Variants in ETV7 observed in about 807,000 individuals in gnomAD.
The protein encoded by ETV7 is ETS variant transcription factor 7.
ETV7 carries 43 observed loss-of-function variants against 39.1 expected under a neutral mutation model. The observed-to-expected ratio is 1.10, with a 90% CI of 0.86 to 1.42. The LOEUF is 1.42. Ranked by LOEUF, ETV7 falls within the 40% of genes most tolerant of loss-of-function variation. The pLI is 0.00. For synonymous variants in ETV7, 196 were observed against 176.6 expected, an observed-to-expected ratio of 1.11 and a Z score of -0.87; for missense variants, 432 against 442.3, an observed-to-expected ratio of 0.98 and a Z score of 0.21.
intron 5 of ETV7, among the ~76,000 whole-genome samples, chr6:36,370,205 G>A (rs1772942737): frequency 6.6e-6 from 1 of 152,152 alleles, no homozygotes. Context: ...ACTGGGCACT[G>A]GGGACCACTA....
downstream of ETV7, among the ~76,000 whole-genome samples, chr6:36,361,788 A>G (rs1772496468): frequency 6.6e-6 from 1 of 152,220 alleles, no homozygotes. Context: ...TAAATTCTTT[A>G]TCTATTGTCA....
intron 2 of ETV7, among the ~76,000 whole-genome samples, chr6:36,384,513 G>A (rs946647359): frequency 6.6e-6 from 1 of 152,158 alleles, no homozygotes; most frequent in Non-Finnish European, 1.5e-5. Flanking sequence ...AGGGAAATAG[G>A]ATTTCCCAGG....
In ETV7 at chr6:36,385,547, C is replaced by T. The variant is rs762641486; in HGVS notation, c.129G>A (p.Leu43=). The change falls in exon 2 of 8, where the codon CTG becomes CTA. Residue 43 remains leucine, a synonymous_variant. Coordinates refer to ENST00000340181, the MANE Select transcript of ETV7 (RefSeq NM_016135.4). The part of the protein sequence containing the change: ...NLLGEGGICK[L]PGRLRIQPAL... ...CCCTCTACTTACGGAGTCTTCCTGG[C>T]AGCTTGCAGATCCCCCCTTCACCCA... is the stretch of plus-strand genomic sequence containing the variant. 13 of 1,614,102 alleles carry T rather than the reference C, an allele frequency of 8.1e-6. No homozygotes were observed. Among genetic ancestry groups the T allele is most frequent in the Middle Eastern group, 3.3e-4 (2 of 6,084 alleles).
chr6:36,358,075 G>A (rs1772386514), intron 7 of ETV7, among the ~76,000 whole-genome samples: 1 of 152,092 alleles, frequency 6.6e-6, no homozygotes, highest in African/African-American at 2.4e-5. Flanking sequence ...ATGTGGCCAA[G>A]AAAATGAATG....
chr6:36,367,081 C>T (rs1772764662), intron 6 of ETV7, 106 bp from the exon 7 acceptor site: 1 of 865,624 alleles, frequency 1.2e-6, no homozygotes, highest in Non-Finnish European at 1.9e-6. Context: ...CCTCTCATTC[C>T]AGGGATCTGT....
chr6:36,367,008 C>T (rs1279254814), intron 6 of ETV7, 33 bp from the exon 7 acceptor site: 26 of 1,541,780 alleles, frequency 1.7e-5, no homozygotes, highest in Non-Finnish European at 2.3e-5. Flanking sequence ...ATCAGCCCCA[C>T]TCCCCATGTC....
At chr6:36,354,177 A>T in exon 8 of ETV7, 2 of 141,346 alleles carry the variant, frequency 1.4e-5, no homozygotes, top group East Asian at 2.0e-4. Flanking sequence ...TGATTTGGAG[A>T]TATTTTCTCC....
At chr6:36,354,461 C>G in exon 8 of ETV7, 1 of 466,742 alleles carries the variant, frequency 2.1e-6, no homozygotes, top group Non-Finnish European at 3.8e-6. Context: ...CAACTTTATT[C>G]TTTTGCATGT....
chr6:36,358,523 G>C (rs970083772), intron 7 of ETV7, among the ~76,000 whole-genome samples: 12 of 152,244 alleles, frequency 7.9e-5, no homozygotes, highest in African/African-American at 2.2e-4. Context: ...GGTTGGAAGG[G>C]TCCCTGGCTG....
chr6:36,375,790 C>A, intron 3 of ETV7, 81 bp downstream of exon 3: 1 of 1,603,586 alleles, frequency 6.2e-7, no homozygotes, highest in Non-Finnish European at 8.5e-7. Context: ...CCATCTCCCT[C>A]CCTGGGCCCC....
In ETV7 at chr6:36,371,315, C is replaced by T. The variant is rs1773004952; in HGVS notation, c.664+15G>A. On this transcript the variant is annotated intron_variant, in intron 5 of 7. Coordinates refer to ENST00000340181, the MANE Select transcript of ETV7 (RefSeq NM_016135.4). ...AGTGCACCTTCCATGGCCAGAGGAA[C>T]AGCCTCCCACTCACCAGCGATCCTG... The T allele has an allele frequency of 6.4e-7, 1 of 1,567,208 alleles. No homozygotes were observed. The highest frequency in any genetic ancestry group is 1.8e-5 in the Admixed American group (1 of 54,332).
Position 36,366,713 on chromosome 6 carries a change from C to G in ETV7, c.958G>C (p.Glu320Gln). 1.9e-6 allele frequency: 3 copies of G among 1,614,080 alleles called. No homozygotes were observed. Among genetic ancestry groups the G allele is most frequent in the Non-Finnish European group, 1.7e-6 (2 of 1,180,010 alleles). ...TCCTGCTCCTGGCTCTCCAGCGGCT[C>G]CAGGTGGCTGTGCTTGTCCTGGACC... ...KMVQDKHSHL[E>Q]PLESQEQDRI... Residue 320 changes from glutamate to glutamine, a missense_variant, in exon 8 of 8, where the codon GAG becomes CAG. Coordinates refer to ENST00000340181, the MANE Select transcript of ETV7 (RefSeq NM_016135.4).
rs374040186 is a variant in ETV7, at chr6:36,385,614, C to T, written c.62G>A (p.Gly21Asp). Residue 21 changes from glycine (G) to aspartate (D), a missense_variant, in exon 2 of 8, where the codon GGC becomes GAC. Transcript: ENST00000340181. Reference protein sequence around the residue: ...ISPVAAMPPLGTHVQARCEAQ... With the variant: ...ISPVAAMPPLDTHVQARCEAQ... ...TTCACATCTGGCTTGCACGTGGGTG[C>T]CTAGGGGAGGCATGGCTGCCACAGG... The T allele has an allele frequency of 8.7e-6, 14 of 1,614,168 alleles. No individual in the cohort carries two copies. The East Asian group carries it at 1.8e-4, about 21-fold the overall frequency.
At chr6:36,373,601 G>T in intron 3 of ETV7, 23 bp from the exon 4 acceptor site, 26 of 475,564 alleles carry the variant, frequency 5.5e-5, no homozygotes, top group Non-Finnish European at 8.8e-5. Flanking sequence ...GGGAGGGAGG[G>T]CAGGCTGCTG....
chr6:36,383,598 G>T (rs889213427), intron 2 of ETV7, among the ~76,000 whole-genome samples: 1 of 152,174 alleles, frequency 6.6e-6, no homozygotes, highest in Non-Finnish European at 1.5e-5. Context: ...GATGGGCAGA[G>T]ATGGAAACCC....
intron 5 of ETV7, among the ~76,000 whole-genome samples, chr6:36,371,040 A>G (rs963429723): frequency 3.3e-5 from 5 of 152,236 alleles, no homozygotes; most frequent in African/African-American, 1.2e-4. Context: ...ATTTTAAAAC[A>G]GATAAAGTTT....
chr6:36,362,536 T>G (rs891911471), downstream of ETV7, among the ~76,000 whole-genome samples: 1 of 152,146 alleles, frequency 6.6e-6, no homozygotes, highest in Non-Finnish European at 1.5e-5. Context: ...TTTAATTGTA[T>G]GAAAAATGGA....
chr6:36,358,040 C>T (rs1467772162), intron 7 of ETV7, among the ~76,000 whole-genome samples: 1 of 152,110 alleles, frequency 6.6e-6, no homozygotes, highest in Non-Finnish European at 1.5e-5. Flanking sequence ...GGGGAAGATC[C>T]CTCCCCACCC....
chr6:36,368,718 CA>C (rs1287979051), intron 6 of ETV7, among the ~76,000 whole-genome samples: 1 of 152,190 alleles, frequency 6.6e-6, no homozygotes, highest in Non-Finnish European at 1.5e-5. Flanking sequence ...TGAGAAGACA[CA>C]ATTGTTCAGT....
Sources: gnomAD v4.1 joint callset for allele counts (sites outside exome capture counted in the v4.1 genomes callset) on GRCh38, gnomAD v4.1.1 for gene constraint, MANE v1.5 for transcripts, NCBI Gene and HGNC (gene_info 2026-07-23, HGNC 2026-07-21) for gene names.